The following CDC27 variants were observed in gnomAD, a reference collection of about 807,000 sequenced individuals.
CDC27 encodes cell division cycle 27.
Under a neutral mutation model 109.7 loss-of-function variants are expected in CDC27, and 27 were observed. The ratio of observed to expected loss-of-function variants is 0.25; its 90% CI spans 0.18 to 0.34. CDC27 has a LOEUF of 0.34. CDC27 is among the 10% of genes least tolerant of loss of function. The probability of loss-of-function intolerance (pLI) is 1.00; values close to 1 mark genes in which losing one functional copy is unlikely to be tolerated. For synonymous variants in CDC27, 266 were observed against 333.9 expected, an observed-to-expected ratio of 0.80 and a Z score of 2.22; for missense variants, 579 against 960.2, an observed-to-expected ratio of 0.60 and a Z score of 5.25.
intron 1 of CDC27, among the ~76,000 whole-genome samples, chr17:47,187,450 AC>A (rs2064484579): frequency 6.6e-6 from 1 of 151,718 alleles, no homozygotes; most frequent in South Asian, 2.1e-4. Context: ...ACAGGCGCCC[AC>A]CACCACGCCT....
At chr17:47,184,061 A>C (rs2149012086) in intron 1 of CDC27, among the ~76,000 whole-genome samples, 1 of 152,320 alleles carries the variant, frequency 6.6e-6, no homozygotes, top group Non-Finnish European at 1.5e-5. Flanking sequence ...GCTGTAAGTG[A>C]AAGAAAATGG....
intron 14 of CDC27, among the ~76,000 whole-genome samples, chr17:47,136,231 T>C (rs576652663): frequency 6.6e-6 from 1 of 152,196 alleles, no homozygotes; most frequent in Non-Finnish European, 1.5e-5. Flanking sequence ...CATTGGCAAG[T>C]TGATTGTTAC....
At chr17:47,153,306 A>G (rs1188899601) in intron 8 of CDC27, among the ~76,000 whole-genome samples, 1 of 152,226 alleles carries the variant, frequency 6.6e-6, no homozygotes, top group Non-Finnish European at 1.5e-5. Context: ...GTGCCTGCCC[A>G]CTGTCTTAAC....
intron 14 of CDC27, among the ~76,000 whole-genome samples, chr17:47,133,778 G>C (rs1269516022): frequency 6.6e-6 from 1 of 151,344 alleles, no homozygotes; most frequent in African/African-American, 2.4e-5. Flanking sequence ...AGACAGTCTT[G>C]CTTTTTGTCA....
chr17:47,132,374 C>A lies in CDC27; in HGVS notation c.1914G>T (p.Trp638Cys), dbSNP rs763898842. 7.0e-7 allele frequency: 1 copy of A among 1,419,866 alleles called. No homozygotes were observed. The allele number at this position is 1,419,866 out of a possible 1,614,324, so 88.0% of individuals were successfully genotyped here. A position where few individuals can be genotyped will look rare whatever the true frequency, so the allele number is the denominator to read the frequency against. ...IRVNPRHYNA[W>C]YGLGMIYYKQ... ...TGTAATAAATCATTCCTAAACCATA[C>A]CTGAAAGTATAAAACAAAGTATAAT... is the stretch of plus-strand genomic sequence containing the variant. The change falls in exon 15 of 19, where the codon TGG becomes TGT. Residue 638 changes from tryptophan to cysteine, a missense_variant and splice_region_variant. By Grantham distance (215) the Trp-to-Cys change is radical. Transcript: ENST00000066544.
At chr17:47,187,125 A>G (rs557662579) in intron 1 of CDC27, among the ~76,000 whole-genome samples, 1 of 152,300 alleles carries the variant, frequency 6.6e-6, no homozygotes, top group Admixed American at 6.5e-5. Context: ...TTCTACCACT[A>G]TCTCAAAAAT....
chr17:47,188,809 C>G, intron 1 of CDC27: 1 of 1,219,310 alleles, frequency 8.2e-7, no homozygotes, highest in Non-Finnish European at 1.0e-6. Flanking sequence ...GGCAAGAGAG[C>G]GCTTGGGGTG....
At position 47,121,130 on chromosome 17, in the gene CDC27, A is replaced by G. The variant is rs1404169410; in HGVS notation, c.2393-113T>C. 5.8e-6 allele frequency: 4 copies of G among 684,710 alleles called. No homozygotes were observed. The South Asian group carries it at 7.0e-5, about 12-fold the overall frequency. 42.4% of individuals were successfully genotyped at this position (684,710 alleles called of 1,614,324 possible). ...TATTCAGAGAGATAAAACCCTAAAT[A>G]AAGGCCCTTAAAAATCCTCATATCC... On this transcript the variant is annotated intron_variant, in intron 18 of 18. Coordinates refer to ENST00000066544, the MANE Select transcript of CDC27 (RefSeq NM_001256.6).
intron 4 of CDC27, among the ~76,000 whole-genome samples, chr17:47,168,708 T>A (rs924316821): frequency 6.6e-6 from 1 of 152,212 alleles, no homozygotes; most frequent in Non-Finnish European, 1.5e-5. Flanking sequence ...CTTACTCATG[T>A]TCGCAAGAGT....
chr17:47,123,402 C>CTTTTTTTTTTTTTTTTTT (rs57868315), intron 17 of CDC27, among the ~76,000 whole-genome samples: 1 of 123,002 alleles, frequency 8.1e-6, no homozygotes, highest in Non-Finnish European at 1.7e-5. Flanking sequence ...TTTTTTTCTA[C>CTTTTTTTTTTTTTTTTTT]TTTTTTTTTT....
intron 9 of CDC27, among the ~76,000 whole-genome samples, chr17:47,149,950 G>A (rs539320645): frequency 5.9e-5 from 9 of 151,756 alleles, no homozygotes; most frequent in South Asian, 4.2e-4. Context: ...GCGAAACTCC[G>A]TCTAAAACAA....
intron 8 of CDC27, among the ~76,000 whole-genome samples, chr17:47,154,088 CA>C (rs536543231): frequency 0.16 from 11,228 of 70,584 alleles, 398 homozygotes; most frequent in East Asian, 0.3. Context: ...GACCCTGTCT[CA>C]AAAAAAAAAA....
intron 1 of CDC27, among the ~76,000 whole-genome samples, chr17:47,188,018 C>A (rs1234951809): frequency 2.0e-5 from 3 of 151,732 alleles, no homozygotes; most frequent in African/African-American, 4.8e-5. Flanking sequence ...GAGAAAAAAA[C>A]CAAACTAGAA....
chr17:47,185,268 T>C (rs543610732), intron 1 of CDC27, among the ~76,000 whole-genome samples: 1 of 152,216 alleles, frequency 6.6e-6, no homozygotes, highest in African/African-American at 2.4e-5. Flanking sequence ...AAGCTCCACC[T>C]CCTGGGTTCA....
chr17:47,134,237 CAATCA>C (rs558765347), intron 14 of CDC27, among the ~76,000 whole-genome samples: 8 of 150,966 alleles, frequency 5.3e-5, no homozygotes, highest in East Asian at 2.0e-4. Flanking sequence ...CAAGCAAAAA[CAATCA>C]AATCAAATCA....
intron 8 of CDC27, among the ~76,000 whole-genome samples, chr17:47,154,221 G>A (rs2063231590): frequency 6.6e-6 from 1 of 150,954 alleles, no homozygotes; most frequent in South Asian, 2.1e-4. Flanking sequence ...GAAATATCTG[G>A]CTTTACCTGA....
chr17:47,133,028 T>TACATACAC (rs1819652726), intron 14 of CDC27, among the ~76,000 whole-genome samples: 1 of 29,824 alleles, frequency 3.4e-5, no homozygotes, highest in Non-Finnish European at 5.8e-5. Context: ...TATATATATA[T>TACATACAC]ACACACACAC....
In CDC27 at chr17:47,127,386, A is replaced by G. The variant is rs569495607; in HGVS notation, c.2160+2007T>C. ...TAAATTATATATTTAATCCCTTTGT[A>G]TATCTTTATTAGCCTATTTTTACGT... On this transcript the variant is annotated intron_variant, in intron 16 of 18. Transcript: ENST00000066544. Among the ~76,000 whole-genome samples, 3 of 152,262 alleles carry G rather than the reference A, an allele frequency of 2.0e-5. No homozygotes were observed. The South Asian group carries it at 6.2e-4, about 32-fold the overall frequency.
intron 14 of CDC27, among the ~76,000 whole-genome samples, chr17:47,135,596 GCTAT>G (rs565656902): frequency 4.8e-4 from 73 of 152,196 alleles, no homozygotes; most frequent in African/African-American, 1.7e-3. Context: ...CAAAAGAAAG[GCTAT>G]CTATTTTGTA....
Sources: allele counts gnomAD v4.1 joint callset (sites outside exome capture counted in the v4.1 genomes callset), GRCh38; gene constraint gnomAD v4.1.1; transcripts MANE v1.5; gene names NCBI Gene and HGNC (gene_info 2026-07-23, HGNC 2026-07-21).